The following STAB2 variants were observed in gnomAD, a reference collection of about 807,000 sequenced individuals.
The protein encoded by STAB2 is stabilin-2.
STAB2 carries 288 observed loss-of-function variants against 338.1 expected under a neutral mutation model. That is an observed-to-expected ratio of 0.85 (90% CI 0.77 to 0.94). The LOEUF (loss-of-function observed/expected upper bound fraction) is 0.94. STAB2 is among the 40% of genes least tolerant of loss of function. The pLI, the probability that STAB2 is intolerant of heterozygous loss-of-function variation, is 0.00. For missense variants in STAB2, 3,141 were observed against 3,210.1 expected, an observed-to-expected ratio of 0.98 and a Z score of 0.52; for synonymous variants, 1,202 against 1,193.3, an observed-to-expected ratio of 1.01 and a Z score of -0.15.
intron 61 of STAB2, among the ~76,000 whole-genome samples, chr12:103,754,622 A>G (rs749646824): frequency 1.3e-5 from 2 of 152,104 alleles, no homozygotes; most frequent in Non-Finnish European, 2.9e-5. Flanking sequence ...TAATTATAAT[A>G]ACGATGAGAG....
intron 34 of STAB2, among the ~76,000 whole-genome samples, chr12:103,702,923 G>A (rs1794902643): frequency 6.6e-6 from 1 of 152,228 alleles, no homozygotes; most frequent in South Asian, 2.1e-4. Flanking sequence ...AAGTTCAGAA[G>A]AGGAAAGCAA....
intron 3 of STAB2, among the ~76,000 whole-genome samples, chr12:103,603,048 G>A (rs916078490): frequency 6.6e-6 from 1 of 151,916 alleles, no homozygotes; most frequent in Non-Finnish European, 1.5e-5. Context: ...TCCATTCCAA[G>A]TTAATTCTTT....
intron 15 of STAB2, among the ~76,000 whole-genome samples, chr12:103,656,079 C>G (rs1874157275): frequency 6.6e-6 from 1 of 152,220 alleles, no homozygotes; most frequent in Non-Finnish European, 1.5e-5. Flanking sequence ...TTTCAGTTCT[C>G]TCACATTCTC....
At chr12:103,731,664 G>C in intron 50 of STAB2, 29 bp downstream of exon 50, 1 of 1,597,410 alleles carries the variant, frequency 6.3e-7, no homozygotes, top group Non-Finnish European at 8.5e-7. Flanking sequence ...TTGACTCAGA[G>C]GATAACCTGC....
intron 4 of STAB2, among the ~76,000 whole-genome samples, chr12:103,621,175 G>T (rs557552975): frequency 3.9e-5 from 6 of 152,122 alleles, no homozygotes; most frequent in African/African-American, 1.4e-4. Context: ...GGCCATATAT[G>T]TGAAAATACT....
intron 26 of STAB2, among the ~76,000 whole-genome samples, chr12:103,683,932 A>G (rs1460906690): frequency 6.6e-6 from 1 of 152,192 alleles, no homozygotes; most frequent in African/African-American, 2.4e-5. Context: ...GAGTCCATGC[A>G]GAAGATAAAT....
intron 50 of STAB2, among the ~76,000 whole-genome samples, chr12:103,732,021 T>C (rs2139080761): frequency 6.6e-6 from 1 of 152,274 alleles, no homozygotes; most frequent in African/African-American, 2.4e-5. Flanking sequence ...TAAAACCGTA[T>C]CTTTCTGGCA....
Position 103,654,545 on chromosome 12 carries a change from G to C in STAB2, c.1408-10G>C. The C allele has an allele frequency of 1.2e-6, 2 of 1,611,876 alleles. No individual in the cohort carries two copies. Among genetic ancestry groups the C allele is most frequent in the Non-Finnish European group, 1.7e-6 (2 of 1,179,090 alleles). ...TAGTAATCTTATTTTATCTTTCTTT[G>C]GTGTTTTAGGACAATCAAATAAAGC... On this transcript the variant is annotated splice_polypyrimidine_tract_variant and intron_variant, in intron 12 of 68. Transcript: ENST00000388887.
At chr12:103,690,631 C>T in intron 30 of STAB2, 93 bp downstream of exon 30, 1 of 1,084,866 alleles carries the variant, frequency 9.2e-7, no homozygotes, top group East Asian at 2.5e-5. Context: ...AACTTCCAAA[C>T]ATGCGCAAAA....
chr12:103,752,902 A>G (rs186345334), intron 60 of STAB2, among the ~76,000 whole-genome samples: 1 of 152,334 alleles, frequency 6.6e-6, no homozygotes, highest in East Asian at 1.9e-4. Flanking sequence ...AAATAAAGTA[A>G]AATTCTAGAA....
chr12:103,654,819 A>T, intron 13 of STAB2, 121 bp downstream of exon 13: 1 of 1,216,488 alleles, frequency 8.2e-7, no homozygotes, highest in Non-Finnish European at 1.1e-6. Context: ...GATCCCGAGC[A>T]GAGAGAAGAA....
chr12:103,731,561 T>G lies in STAB2; in HGVS notation c.5224-15T>G. The G allele has an allele frequency of 6.2e-7, 1 of 1,613,574 alleles. No homozygotes were observed. The highest frequency in any genetic ancestry group is 8.5e-7 in the Non-Finnish European group (1 of 1,179,898). On this transcript the variant is annotated splice_polypyrimidine_tract_variant and intron_variant, in intron 49 of 68. Coordinates refer to ENST00000388887, the MANE Select transcript of STAB2 (RefSeq NM_017564.10). ...ATAAGGAAAAGTTTCATGCCCATTC[T>G]TATTATCTTTGCAGCAAAATCTTAC... is the stretch of plus-strand genomic sequence containing the variant.
chr12:103,723,050 T>C (rs1438958237), intron 44 of STAB2, among the ~76,000 whole-genome samples: 1 of 152,226 alleles, frequency 6.6e-6, no homozygotes, highest in Non-Finnish European at 1.5e-5. Context: ...AAACAAGTGG[T>C]GAAGCTCAGG....
Position 103,759,206 on chromosome 12 carries a change from G to T in STAB2, c.7181G>T (p.Gly2394Val). 6.2e-7 allele frequency: 1 copy of T among 1,614,126 alleles called. No homozygotes were observed. Among genetic ancestry groups the T allele is most frequent in the Non-Finnish European group, 8.5e-7 (1 of 1,180,020 alleles). The change falls in exon 65 of 69, where the codon GGC (glycine) becomes GTC (valine). Residue 2394 changes from glycine (G) to valine (V), a missense_variant. By Grantham distance (109) the Gly-to-Val change is moderately radical. Transcript: ENST00000388887. ...SMFFYNDLVN[G>V]TTLQTRLGSK... is the part of the protein sequence containing the mutation. ...TTTTTCTACAATGACCTTGTCAATG[G>T]CACCACCCTGCAAACGAGGCTGGGA...
chr12:103,641,677 T>C (rs989001495), intron 9 of STAB2, among the ~76,000 whole-genome samples: 4 of 152,208 alleles, frequency 2.6e-5, no homozygotes, highest in African/African-American at 9.6e-5. Context: ...GCGAACTCTT[T>C]CCTTGTGTTT....
chr12:103,660,388 G>A lies in STAB2; in HGVS notation c.1788+4G>A. 1 of 1,614,130 alleles carries A rather than the reference G, an allele frequency of 6.2e-7. No individual in the cohort carries two copies. The highest frequency in any genetic ancestry group is 8.5e-7 in the Non-Finnish European group (1 of 1,180,014). On this transcript the variant is annotated splice_donor_region_variant and intron_variant, in intron 16 of 68. Coordinates refer to ENST00000388887, the MANE Select transcript of STAB2 (RefSeq NM_017564.10). ...CCACATTGTCCCATTTACCCAGGTT[G>A]GCCCCACTTTTCCTGCTGCTACTTT...
intron 2 of STAB2, among the ~76,000 whole-genome samples, chr12:103,593,844 A>G (rs920041648): frequency 3.9e-5 from 6 of 152,250 alleles, no homozygotes; most frequent in Non-Finnish European, 8.8e-5. Context: ...TTCCAGAACT[A>G]TATCTCAGCT....
chr12:103,627,247 C>T (rs1246132585), intron 5 of STAB2, among the ~76,000 whole-genome samples: 1 of 152,288 alleles, frequency 6.6e-6, no homozygotes, highest in East Asian at 1.9e-4. Flanking sequence ...ATACATTACA[C>T]ACCAGACAGG....
At chr12:103,689,765 G>A in intron 28 of STAB2, 81 bp from the exon 29 acceptor site, 1 of 1,524,748 alleles carries the variant, frequency 6.6e-7, no homozygotes, top group South Asian at 1.3e-5. Context: ...ATGGGAAATT[G>A]TCATCTCTTC....
Sources: allele counts gnomAD v4.1 joint callset (sites outside exome capture counted in the v4.1 genomes callset), GRCh38; gene constraint gnomAD v4.1.1; transcripts MANE v1.5; gene names NCBI Gene and HGNC (gene_info 2026-07-23, HGNC 2026-07-21).